Variants in ANKFN1 observed in about 807,000 individuals in gnomAD.
The protein encoded by ANKFN1 is ankyrin repeat and fibronectin type III domain containing 1.
A neutral mutation model predicts 108.7 loss-of-function variants in ANKFN1; 74 were observed. The observed-to-expected ratio is 0.68, with a 90% confidence interval of 0.56 to 0.83. The LOEUF (loss-of-function observed/expected upper bound fraction) is 0.83, where lower values mean the gene tolerates loss of function less well. Among genes scored for constraint, ANKFN1 ranks in the 40% least tolerant of loss-of-function variants. The pLI is 0.00. For missense variants in ANKFN1, 1,505 were observed against 1,382.3 expected (o/e 1.09, Z -1.41); for synonymous variants, 547 against 516.2 (o/e 1.06, Z -0.81).
At position 56,174,529 on chromosome 17, in the gene ANKFN1, C is replaced by A. The variant is rs556692081; in HGVS notation, c.-71+20999C>A. 477 of 558,974 alleles carry A rather than the reference C, an allele frequency of 8.5e-4. 2 individuals are homozygous for A. The African/African-American group carries it at 9.1e-3, about 11-fold the overall frequency. The allele number at this position is 558,974 out of a possible 1,614,324, so 34.6% of individuals were successfully genotyped here. A position where few individuals can be genotyped will look rare whatever the true frequency, so the allele number is the denominator to read the frequency against. On this transcript the variant is annotated intron_variant, in intron 1 of 20. Coordinates refer to ENST00000682825, the MANE Select transcript of ANKFN1 (RefSeq NM_001370326.1). ...TCTCTGTGCCTTTGGGACAGCCTCT[C>A]CCCCTTCTCACCATCATCTTTGGTG...
chr17:56,104,791 G>A (rs1643901231), intron 4 of ANKFN1, among the ~76,000 whole-genome samples: 1 of 152,212 alleles, frequency 6.6e-6, no homozygotes, highest in Non-Finnish European at 1.5e-5. Context: ...TGACAGAAGG[G>A]AGGCAGGTAG....
At chr17:56,487,744 G>T (rs1270338432) in intron 18 of ANKFN1, among the ~76,000 whole-genome samples, 1 of 152,174 alleles carries the variant, frequency 6.6e-6, no homozygotes, top group South Asian at 2.1e-4. Context: ...TAAGAGGCAG[G>T]CTATTGAGTT....
At chr17:56,501,523 G>A (rs1356566793) in intron 20 of ANKFN1, among the ~76,000 whole-genome samples, 1 of 152,126 alleles carries the variant, frequency 6.6e-6, no homozygotes, top group East Asian at 1.9e-4. Context: ...TTGGGTGGTT[G>A]GGCATGTTGA....
At chr17:56,102,655 T>G (rs1375204628) in intron 4 of ANKFN1, among the ~76,000 whole-genome samples, 1 of 150,284 alleles carries the variant, frequency 6.7e-6, no homozygotes, top group African/African-American at 2.5e-5. Context: ...GGAAATAGAG[T>G]CACAGGAATC....
chr17:56,445,561 G>A (rs75867713), intron 10 of ANKFN1, among the ~76,000 whole-genome samples: 14 of 152,122 alleles, frequency 9.2e-5, no homozygotes, highest in East Asian at 3.9e-4. Context: ...ATGCCCTATC[G>A]CTTGGAAGGA....
chr17:56,362,703 G>A (rs534894394), intron 6 of ANKFN1, among the ~76,000 whole-genome samples: 5 of 152,134 alleles, frequency 3.3e-5, no homozygotes, highest in Non-Finnish European at 5.9e-5. Flanking sequence ...ATGATCTTTT[G>A]CATATAAGCC....
chr17:56,361,156 C>T (rs2046506085), intron 6 of ANKFN1, among the ~76,000 whole-genome samples: 1 of 151,964 alleles, frequency 6.6e-6, no homozygotes, highest in African/African-American at 2.4e-5. Flanking sequence ...GTTTTATAGC[C>T]ATCTTTTTTT....
intron 8 of ANKFN1, among the ~76,000 whole-genome samples, chr17:56,380,743 G>A (rs940989728): frequency 5.9e-5 from 9 of 152,252 alleles, no homozygotes; most frequent in Non-Finnish European, 1.0e-4. Flanking sequence ...AGGGGCGCCC[G>A]CCATTGCCCA....
intron 11 of ANKFN1, among the ~76,000 whole-genome samples, chr17:56,453,956 A>G (rs2049586792): frequency 6.6e-6 from 1 of 152,134 alleles, no homozygotes; most frequent in Non-Finnish European, 1.5e-5. Context: ...AAAATTTCAC[A>G]GTGATGTACT....
chr17:56,383,111 G>T (rs1204523709), intron 8 of ANKFN1, among the ~76,000 whole-genome samples: 1 of 152,136 alleles, frequency 6.6e-6, no homozygotes, highest in Admixed American at 6.5e-5. Flanking sequence ...TAAAAGAATA[G>T]AAATTATAAC....
intron 3 of ANKFN1, among the ~76,000 whole-genome samples, chr17:56,317,247 A>T (rs2045235853): frequency 6.6e-6 from 1 of 152,210 alleles, no homozygotes; most frequent in Non-Finnish European, 1.5e-5. Context: ...GGTGTTTTTA[A>T]AAAAGAAAAA....
chr17:56,282,609 G>A (rs1427127768), intron 3 of ANKFN1, among the ~76,000 whole-genome samples: 2 of 152,124 alleles, frequency 1.3e-5, no homozygotes, highest in African/African-American at 4.8e-5. Context: ...CAATGACATA[G>A]CTCTGAGTTT....
At chr17:56,085,850 A>C (rs561404700) in intron 4 of ANKFN1, among the ~76,000 whole-genome samples, 3 of 151,520 alleles carry the variant, frequency 2.0e-5, no homozygotes, top group Admixed American at 2.0e-4. Context: ...ATCTGACTCA[A>C]GCTTGTAAGC....
chr17:56,170,774 T>TTTATATATATATATATA (rs1555604529), intron 1 of ANKFN1, among the ~76,000 whole-genome samples: 1 of 68,096 alleles, frequency 1.5e-5, no homozygotes, highest in African/African-American at 8.1e-5. Flanking sequence ...AAAAAATTTT[T>TTTATATATATATATATA]TATATATATA....
At chr17:56,486,793 A>G (rs1470359554) in intron 18 of ANKFN1, among the ~76,000 whole-genome samples, 1 of 152,232 alleles carries the variant, frequency 6.6e-6, no homozygotes, top group Non-Finnish European at 1.5e-5. Context: ...AAACTTAAAA[A>G]GGTGTGAATT....
chr17:56,414,777 G>T (rs530869869), intron 8 of ANKFN1, among the ~76,000 whole-genome samples: 15 of 152,220 alleles, frequency 9.9e-5, no homozygotes, highest in African/African-American at 3.4e-4. Context: ...CCCAGCATTT[G>T]GAAGGCCGAG....
intron 4 of ANKFN1, among the ~76,000 whole-genome samples, chr17:56,065,515 T>A (rs1321022045): frequency 6.6e-6 from 1 of 152,204 alleles, no homozygotes; most frequent in African/African-American, 2.4e-5. Context: ...TCGCTAAGTT[T>A]GATCATTTCT....
chr17:56,134,176 G>A (rs1043121630), intron 4 of ANKFN1, among the ~76,000 whole-genome samples: 3 of 152,188 alleles, frequency 2.0e-5, no homozygotes, highest in East Asian at 1.9e-4. Flanking sequence ...AGATGAACAG[G>A]CAGGTGGGAG....
At chr17:56,201,795 A>G (rs966179834) in intron 1 of ANKFN1, among the ~76,000 whole-genome samples, 5 of 152,244 alleles carry the variant, frequency 3.3e-5, no homozygotes, top group African/African-American at 1.2e-4. Context: ...TTTAACACAG[A>G]AAATTTAATA....
Sources: allele counts gnomAD v4.1 joint callset (sites outside exome capture counted in the v4.1 genomes callset), GRCh38; gene constraint gnomAD v4.1.1; transcripts MANE v1.5; gene names NCBI Gene and HGNC (gene_info 2026-07-23, HGNC 2026-07-21).